Variants in FAN1 observed in about 807,000 individuals in gnomAD.
FAN1 encodes the protein fanconi-associated nuclease 1.
A neutral mutation model predicts 104.9 loss-of-function variants in FAN1; 91 were observed. The ratio of observed to expected loss-of-function variants is 0.87; its 90% CI spans 0.73 to 1.03. FAN1 has a LOEUF of 1.03. Ranked by LOEUF, FAN1 falls within the 50% of genes least tolerant of loss-of-function variation. The probability of loss-of-function intolerance (pLI) is 0.00; values close to 1 mark genes in which losing one functional copy is unlikely to be tolerated. For synonymous variants in FAN1, 478 were observed against 457.6 expected (o/e 1.04, Z -0.57); for missense variants, 1,263 against 1,239.9 (o/e 1.02, Z -0.28).
chr15:30,932,480 G>A (rs1459780507), intron 13 of FAN1, among the ~76,000 whole-genome samples: 1 of 152,104 alleles, frequency 6.6e-6, no homozygotes, highest in African/African-American at 2.4e-5. Context: ...AATAGTTGGT[G>A]TAGAATTAGT....
At chr15:30,927,815 G>C (rs991837602) in intron 10 of FAN1, 13 of 985,776 alleles carry the variant, frequency 1.3e-5, no homozygotes, top group Non-Finnish European at 1.6e-5. Flanking sequence ...CAGGGACACA[G>C]GTCTGTGTGT....
chr15:30,929,944 AATATAAT>A (rs1486521556), intron 12 of FAN1, among the ~76,000 whole-genome samples: 3 of 107,818 alleles, frequency 2.8e-5, no homozygotes, highest in African/African-American at 1.5e-4. Flanking sequence ...TAAAATATAT[AATATAAT>A]ATATATCATA....
intron 8 of FAN1, 168 bp from the exon 9 acceptor site, chr15:30,924,959 C>G: frequency 1.5e-6 from 1 of 651,766 alleles, no homozygotes; most frequent in Non-Finnish European, 2.5e-6. Flanking sequence ...CATTGAAATC[C>G]TCAGAATAAG....
Position 30,942,346 on chromosome 15 carries a change from A to G in FAN1, c.*784A>G, listed in dbSNP as rs2063083336. 2 of 489,240 alleles carry G rather than the reference A, an allele frequency of 4.1e-6. No individual in the cohort carries two copies. The highest frequency in any genetic ancestry group is 7.4e-5 in the Admixed American group (2 of 27,042). 30.3% of individuals were successfully genotyped at this position (489,240 alleles called of 1,614,324 possible). ...ACTAATTTGCTTAAGGATAAGTTCT[A>G]AGACGGGCTAGAAAAAACACTAGAC... On this transcript the variant is annotated 3_prime_UTR_variant, in exon 15 of 15. Transcript: ENST00000362065.
chr15:30,912,677 A>C (rs543316153), intron 4 of FAN1, among the ~76,000 whole-genome samples: 1 of 152,162 alleles, frequency 6.6e-6, no homozygotes, highest in East Asian at 1.9e-4. Flanking sequence ...GACATCTTTC[A>C]CTAGCCAAGT....
chr15:30,904,181 C>G (rs150586379), intron 1 of FAN1, among the ~76,000 whole-genome samples, 170 bp downstream of exon 1: 1 of 152,168 alleles, frequency 6.6e-6, no homozygotes, highest in African/African-American at 2.4e-5. Flanking sequence ...CTGGGCCACG[C>G]GCTGATCGTC....
At chr15:30,907,207 A>G (rs146230759) in intron 2 of FAN1, among the ~76,000 whole-genome samples, 5,885 of 152,010 alleles carry the variant, frequency 0.039, 378 homozygotes, top group African/African-American at 0.13. Context: ...CAGCCTCCCA[A>G]AGCACTGGGA....
chr15:30,928,227 GTATC>G, intron 10 of FAN1: 1 of 1,064,634 alleles, frequency 9.4e-7, no homozygotes, highest in Non-Finnish European at 1.1e-6. Context: ...CCTGAGGAGG[GTATC>G]TGCCTATTTT....
At chr15:30,930,391 G>GT (rs1387323578) in intron 12 of FAN1, 152 bp from the exon 13 acceptor site, 1 of 841,040 alleles carries the variant, frequency 1.2e-6, no homozygotes, top group Non-Finnish European at 1.7e-6. Flanking sequence ...TGCAGCTCTG[G>GT]TACAAGCAGC....
chr15:30,921,114 A>C (rs1444048445), intron 7 of FAN1, among the ~76,000 whole-genome samples: 2 of 152,174 alleles, frequency 1.3e-5, no homozygotes, highest in African/African-American at 2.4e-5. Flanking sequence ...CAACGAGGGC[A>C]TAGTTAATGT....
At chr15:30,922,134 C>A in intron 7 of FAN1, 101 bp from the exon 8 acceptor site, 2 of 1,392,212 alleles carry the variant, frequency 1.4e-6, no homozygotes, top group Non-Finnish European at 2.0e-6. Context: ...TGGAAAGATA[C>A]GCATTATAAA....
chr15:30,918,154 T>A lies in FAN1; in HGVS notation c.1812-10T>A. The A allele has an allele frequency of 6.2e-7, 1 of 1,613,810 alleles. No individual in the cohort carries two copies. The highest frequency in any genetic ancestry group is 8.5e-7 in the Non-Finnish European group (1 of 1,179,952). ...TTCTTATTTGGAACTTGGATGGCAT[T>A]TTCCTCCAGATATGCAGCAGCCACG... On this transcript the variant is annotated splice_polypyrimidine_tract_variant and intron_variant, in intron 5 of 14. Transcript: ENST00000362065.
At position 30,914,022 on chromosome 15, in the gene FAN1, G is replaced by A. The variant is rs749574254; in HGVS notation, c.1742G>A (p.Arg581Gln). 1.4e-5 allele frequency: 23 copies of A among 1,614,024 alleles called. No homozygotes were observed. The South Asian group carries it at 1.6e-4, about 12-fold the overall frequency. Residue 581 changes from arginine to glutamine, a missense_variant, in exon 5 of 15, where the codon CGA becomes CAA. Physicochemically the swap from Arg to Gln is conservative, Grantham distance 43. This residue lies in a region of FAN1 where 581 missense variants were observed against 668.8 expected (regional missense o/e 0.87). Transcript: ENST00000362065. The stretch of plus-strand genomic sequence containing the variant: ...ACAGTCCTGTTGGTCAACCTCGGCC[G>A]AATGGAGTTTCCTAGTTACACCATC... ...LSTVLLVNLG[R>Q]MEFPSYTINR...
At position 30,905,248 on chromosome 15, in the gene FAN1, C is replaced by G. The variant is rs768300893; in HGVS notation, c.585C>G (p.Asn195Lys). The change falls in exon 2 of 15, where the codon AAC (asparagine) becomes AAG (lysine). Residue 195 changes from asparagine (N) to lysine (K), a missense_variant. Around this residue, in one of 2 missense-constraint regions of FAN1, gnomAD observed 682 missense variants for 571.1 expected, o/e 1.19. Transcript: ENST00000362065. Reference protein sequence around the residue: ...KSTVVKSLIDNSSEIEDEDQI... With the variant: ...KSTVVKSLIDKSSEIEDEDQI... The stretch of plus-strand genomic sequence containing the variant: ...CAGTTGTTAAGAGCCTGATTGATAA[C>G]TCTTCAGAAATTGAGGACGAGGATC... The G allele has an allele frequency of 6.8e-6, 11 of 1,613,930 alleles. No homozygotes were observed. The Admixed American group carries it at 1.7e-4, about 24-fold the overall frequency.
At chr15:30,910,134 T>G (rs930227352) in intron 3 of FAN1, among the ~76,000 whole-genome samples, 2 of 152,370 alleles carry the variant, frequency 1.3e-5, no homozygotes, top group African/African-American at 4.8e-5. Flanking sequence ...GAGGTCTGAC[T>G]GAGCCGAATT....
intron 14 of FAN1, chr15:30,938,880 T>C (rs2062944688): frequency 1.0e-6 from 1 of 957,592 alleles, no homozygotes; most frequent in South Asian, 4.8e-5. Context: ...TAGGAGAAGA[T>C]GCCTTCACCT....
intron 14 of FAN1, chr15:30,939,534 A>C (rs1037606226): frequency 3.1e-6 from 3 of 976,470 alleles, no homozygotes; most frequent in African/African-American, 1.8e-5. Flanking sequence ...GTCCAGCAAA[A>C]ATAAAAGTAT....
rs771298788 is a variant in FAN1 at position 30,929,194 on chromosome 15, G to A, written c.2593-9G>A. On this transcript the variant is annotated splice_polypyrimidine_tract_variant and intron_variant, in intron 11 of 14. Transcript: ENST00000362065. ...CACAGTATGACAGCTTGCTTTCCCT[G>A]TGACACAGGCATTCCCCCTGGACTT... 1.2e-6 allele frequency: 2 copies of A among 1,609,498 alleles called. No homozygotes were observed. The highest frequency in any genetic ancestry group is 1.1e-5 in the South Asian group (1 of 90,478).
chr15:30,904,824 A>G lies in FAN1; in HGVS notation c.161A>G (p.Tyr54Cys), dbSNP rs376214743. The change falls in exon 2 of 15, where the codon TAT becomes TGT. Residue 54 changes from tyrosine to cysteine, a missense_variant. Transcript: ENST00000362065. ...GTTTGCAGTAAAATGGTGCCTAGATATGACTTAAACCGGCACCTTGATGAA... is the reference window on the plus strand; with the variant it reads ...GTTTGCAGTAAAATGGTGCCTAGATGTGACTTAAACCGGCACCTTGATGAA... ...CPVCSKMVPR[Y>C]DLNRHLDEMC... The G allele has an allele frequency of 1.9e-6, 3 of 1,613,470 alleles. No homozygotes were observed. Among genetic ancestry groups the G allele is most frequent in the African/African-American group, 1.3e-5 (1 of 74,928 alleles).
Sources: gnomAD v4.1 joint callset for allele counts (sites outside exome capture counted in the v4.1 genomes callset) on GRCh38, gnomAD v4.1.1 for gene constraint, gnomAD v4.1.1 regional missense constraint, MANE v1.5 for transcripts, NCBI Gene and HGNC (gene_info 2026-07-23, HGNC 2026-07-21) for gene names.